DR1: variants seen among roughly 807,000 people sequenced by gnomAD.
DR1 encodes down-regulator of transcription 1.
A neutral mutation model predicts 19.9 loss-of-function variants in DR1; 7 were observed. The ratio of observed to expected loss-of-function variants is 0.35; its 90% confidence interval spans 0.20 to 0.66. DR1 has a LOEUF of 0.66. DR1 is among the 30% of genes least tolerant of loss of function. The probability of loss-of-function intolerance (pLI) is 0.66; values close to 1 mark genes in which losing one functional copy is unlikely to be tolerated. For synonymous variants in DR1, 76 were observed against 72.5 expected (o/e 1.05, Z -0.24); for missense variants, 98 against 203.7 (o/e 0.48, Z 3.16).
chr1:93,348,959 C>G (rs1307683496), intron 1 of DR1, among the ~76,000 whole-genome samples: 1 of 151,928 alleles, frequency 6.6e-6, no homozygotes, highest in Non-Finnish European at 1.5e-5. Context: ...AAGTGTGTGC[C>G]TATACACTAA....
At position 93,346,865 on chromosome 1, in the gene DR1, G is replaced by T. The variant is rs1666850701; in HGVS notation, c.220G>T (p.Ala74Ser). ...KTISPEHVIQ[A>S]LESLGFGSYI... Reference sequence around the variant, plus strand: ...CATCTCACCAGAGCATGTCATACAAGGTAAGTCGTGTGTGAGAGCTGGTTT... The same window carrying T: ...CATCTCACCAGAGCATGTCATACAATGTAAGTCGTGTGTGAGAGCTGGTTT... The change falls in exon 1 of 3, where the codon GCA becomes TCA. Residue 74 changes from alanine to serine, a missense_variant and splice_region_variant. By Grantham distance (99) the Ala-to-Ser change is moderately conservative (BLOSUM62 1). Transcript: ENST00000370272. 6.2e-7 allele frequency: 1 copy of T among 1,607,140 alleles called. No homozygotes were observed. Among genetic ancestry groups the T allele is most frequent in the Admixed American group, 1.7e-5 (1 of 59,108 alleles).
chr1:93,346,187 C>T lies in DR1; in HGVS notation c.-459C>T. The T allele has an allele frequency of 4.6e-6, 1 of 216,538 alleles. No individual in the cohort carries two copies. Among genetic ancestry groups the T allele is most frequent in the Non-Finnish European group, 9.2e-6 (1 of 108,694 alleles). 13.4% of individuals were successfully genotyped at this position (216,538 alleles called of 1,614,324 possible). On this transcript the variant is annotated 5_prime_UTR_variant, in exon 1 of 3. Coordinates refer to ENST00000370272, the MANE Select transcript of DR1 (RefSeq NM_001938.3). ...AGGCGGCGGCAACGGCTGCTGGCGG[C>T]GGCGGCAGCGGCAGCGGGGCCTCGG...
intron 1 of DR1, among the ~76,000 whole-genome samples, chr1:93,350,806 A>G (rs1417179436): frequency 6.6e-6 from 1 of 152,182 alleles, no homozygotes. Context: ...AATTTTACTC[A>G]CAAATTTTTA....
chr1:93,351,185 G>T (rs1395243315), intron 1 of DR1, among the ~76,000 whole-genome samples: 1 of 152,036 alleles, frequency 6.6e-6, no homozygotes, highest in Non-Finnish European at 1.5e-5. Context: ...ATATCTGTTA[G>T]CCCAATGTGT....
Position 93,367,640 on chromosome 1 carries a change from C to T in DR1, c.*7001C>T, listed in dbSNP as rs1033285830. The T allele has an allele frequency of 1.3e-5, 2 of 152,256 alleles. No individual in the cohort carries two copies. Among genetic ancestry groups the T allele is most frequent in the African/African-American group, 2.4e-5 (1 of 41,462 alleles). The allele number at this position is 152,256 out of a possible 1,614,324, so 9.4% of individuals were successfully genotyped here. A position where few individuals can be genotyped will look rare whatever the true frequency, so the allele number is the denominator to read the frequency against. On this transcript the variant is annotated 3_prime_UTR_variant, in exon 3 of 3. Coordinates refer to ENST00000370272, the MANE Select transcript of DR1 (RefSeq NM_001938.3). ...GAAACCAGAATACCCAGAGAAAACT[C>T]ATGCAGATATGTGGAGGACATGCAA...
intron 2 of DR1, among the ~76,000 whole-genome samples, chr1:93,359,016 C>T (rs1172679224): frequency 6.6e-6 from 1 of 152,056 alleles, no homozygotes; most frequent in Non-Finnish European, 1.5e-5. Context: ...ATTTTGTGTT[C>T]TAGGCTTTTT....
At position 93,365,751 on chromosome 1, in the gene DR1, C is replaced by T. The variant is rs1464658486; in HGVS notation, c.*5112C>T. ...AGAAAGTCAAATCTTACAGGAGACT[C>T]TTGACTTCACATCTGCTGATCCCTT... is the stretch of plus-strand genomic sequence containing the variant. On this transcript the variant is annotated 3_prime_UTR_variant, in exon 3 of 3. Coordinates refer to ENST00000370272, the MANE Select transcript of DR1 (RefSeq NM_001938.3). 6.6e-6 allele frequency: 1 copy of T among 152,186 alleles called. No homozygotes were observed. Among genetic ancestry groups the T allele is most frequent in the East Asian group, 1.9e-4 (1 of 5,188 alleles). 9.4% of individuals were successfully genotyped at this position (152,186 alleles called of 1,614,324 possible). A position where few individuals can be genotyped will look rare whatever the true frequency, so the allele number is the denominator to read the frequency against.
In DR1 at chr1:93,365,889, C is replaced by G. The variant is rs1455323945; in HGVS notation, c.*5250C>G. The G allele has an allele frequency of 6.6e-6, 1 of 152,166 alleles. No individual in the cohort carries two copies. Among genetic ancestry groups the G allele is most frequent in the African/African-American group, 2.4e-5 (1 of 41,440 alleles). 9.4% of individuals were successfully genotyped at this position (152,166 alleles called of 1,614,324 possible). On this transcript the variant is annotated 3_prime_UTR_variant, in exon 3 of 3. Coordinates refer to ENST00000370272, the MANE Select transcript of DR1 (RefSeq NM_001938.3). ...ACAGATGAGGTATGCTATTTCATAA[C>G]TAGTACATCTTTTAATAAGCATTTT...
chr1:93,361,402 T>C lies in DR1; in HGVS notation c.*763T>C, dbSNP rs1570714119. 6.6e-6 allele frequency: 1 copy of C among 152,596 alleles called. No homozygotes were observed. The highest frequency in any genetic ancestry group is 6.5e-5 in the Admixed American group (1 of 15,280). 9.5% of individuals were successfully genotyped at this position (152,596 alleles called of 1,614,324 possible). ...TTACTCTTTCACTCCAATTCAGTAA[T>C]TGTTGATAGTATTACTTACCTAGTC... On this transcript the variant is annotated 3_prime_UTR_variant, in exon 3 of 3. Transcript: ENST00000370272.
Position 93,364,749 on chromosome 1 carries a change from T to A in DR1, c.*4110T>A, listed in dbSNP as rs1391313626. The A allele has an allele frequency of 7.9e-5, 12 of 150,982 alleles. No individual in the cohort carries two copies. Among genetic ancestry groups the A allele is most frequent in the Non-Finnish European group, 1.5e-5 (1 of 67,892 alleles). 9.4% of individuals were successfully genotyped at this position (150,982 alleles called of 1,614,324 possible). A position where few individuals can be genotyped will look rare whatever the true frequency, so the allele number is the denominator to read the frequency against. On this transcript the variant is annotated 3_prime_UTR_variant, in exon 3 of 3. Transcript: ENST00000370272. ...TCTTATCCTATTTCCTCAAAATAAA[T>A]GAGAAGAGAAAGTAAGGAATAAGAG...
At position 93,346,575 on chromosome 1, in the gene DR1, A is replaced by C. The variant is rs1312613770; in HGVS notation, c.-71A>C. Reference sequence around the variant, plus strand: ...ACTCTCCGAGGGCGACTTTTTGAGAAATCTCGGTGGAGTAGTGGACCAGAG... The same window carrying C: ...ACTCTCCGAGGGCGACTTTTTGAGACATCTCGGTGGAGTAGTGGACCAGAG... On this transcript the variant is annotated 5_prime_UTR_variant, in exon 1 of 3. Coordinates refer to ENST00000370272, the MANE Select transcript of DR1 (RefSeq NM_001938.3). The C allele has an allele frequency of 3.7e-6, 5 of 1,348,096 alleles. No homozygotes were observed. The Admixed American group carries it at 5.5e-5, about 15-fold the overall frequency. The allele number at this position is 1,348,096 out of a possible 1,614,324, so 83.5% of individuals were successfully genotyped here. A position where few individuals can be genotyped will look rare whatever the true frequency, so the allele number is the denominator to read the frequency against.
At chr1:93,352,258 G>C (rs1389206583) in intron 1 of DR1, among the ~76,000 whole-genome samples, 1 of 152,090 alleles carries the variant, frequency 6.6e-6, no homozygotes, top group Non-Finnish European at 1.5e-5. Flanking sequence ...TTTTAGTAGA[G>C]ACAGGGTTTC....
chr1:93,356,511 A>G (rs561828127), intron 2 of DR1, among the ~76,000 whole-genome samples: 42 of 152,286 alleles, frequency 2.8e-4, no homozygotes, highest in Admixed American at 2.3e-3. Flanking sequence ...TTGAAATGTA[A>G]CTAGTACACA....
At position 93,366,086 on chromosome 1, in the gene DR1, C is replaced by G. The variant is rs1223705724; in HGVS notation, c.*5447C>G. On this transcript the variant is annotated 3_prime_UTR_variant, in exon 3 of 3. Transcript: ENST00000370272. ...TATGTATTCATTAAACAATAACCACCCATTACCTCCTCTCTCCTCAGCCTC... is the reference window on the plus strand; with the variant it reads ...TATGTATTCATTAAACAATAACCACGCATTACCTCCTCTCTCCTCAGCCTC... 6.6e-6 allele frequency: 1 copy of G among 152,174 alleles called. No individual in the cohort carries two copies. Among genetic ancestry groups the G allele is most frequent in the Non-Finnish European group, 1.5e-5 (1 of 68,034 alleles). 9.4% of individuals were successfully genotyped at this position (152,174 alleles called of 1,614,324 possible).
chr1:93,346,430 C>A lies in DR1; in HGVS notation c.-216C>A. On this transcript the variant is annotated 5_prime_UTR_variant, in exon 1 of 3. Coordinates refer to ENST00000370272, the MANE Select transcript of DR1 (RefSeq NM_001938.3). ...CTGTGCTCTCTCTAGAATCCTCGGG[C>A]CCCCACTTTCTTCCCAAACTCATCC... 1.7e-6 allele frequency: 1 copy of A among 573,310 alleles called. No individual in the cohort carries two copies. The highest frequency in any genetic ancestry group is 3.1e-6 in the Non-Finnish European group (1 of 320,914). 35.5% of individuals were successfully genotyped at this position (573,310 alleles called of 1,614,324 possible).
intron 2 of DR1, among the ~76,000 whole-genome samples, chr1:93,355,983 A>G (rs946073722): frequency 2.0e-5 from 3 of 152,210 alleles, no homozygotes; most frequent in African/African-American, 4.8e-5. Context: ...ATTAAAGTTA[A>G]CTTTAAATTA....
intron 1 of DR1, among the ~76,000 whole-genome samples, chr1:93,348,481 G>A (rs1050340291): frequency 1.3e-5 from 2 of 152,154 alleles, no homozygotes; most frequent in Admixed American, 6.5e-5. Flanking sequence ...TACAGAAGTG[G>A]GGATCGTTCC....
At chr1:93,354,721 G>C (rs1174151906) in intron 2 of DR1, among the ~76,000 whole-genome samples, 3 of 152,130 alleles carry the variant, frequency 2.0e-5, no homozygotes, top group South Asian at 2.1e-4. Flanking sequence ...AGAAGCCGTA[G>C]TAACCATTAG....
rs560473928 is a variant in DR1 at position 93,349,710 on chromosome 1, C to T, written c.220+2845C>T. On this transcript the variant is annotated intron_variant, in intron 1 of 2. Transcript: ENST00000370272. ...TGTTGAGTTGCTCCAAGCTGTCTTACGTTGAAGGAATTTTTAAAAAATTCC... is the reference window on the plus strand; with the variant it reads ...TGTTGAGTTGCTCCAAGCTGTCTTATGTTGAAGGAATTTTTAAAAAATTCC... Among the ~76,000 whole-genome samples, 7 of 152,120 alleles carry T rather than the reference C, an allele frequency of 4.6e-5. No individual in the cohort carries two copies. In the South Asian group the frequency reaches 1.0e-3, roughly 23 times the overall value.
Sources: gnomAD v4.1 joint callset for allele counts (sites outside exome capture counted in the v4.1 genomes callset) on GRCh38, gnomAD v4.1.1 for gene constraint, MANE v1.5 for transcripts, NCBI Gene and HGNC (gene_info 2026-07-23, HGNC 2026-07-21) for gene names.